Variants in CCNF observed in about 807,000 individuals in gnomAD.
CCNF encodes the protein cyclin F, also known as cyclin-F.
CCNF carries 30 observed loss-of-function variants against 85.4 expected under a neutral mutation model. The observed-to-expected ratio is 0.35, with a 90% confidence interval of 0.26 to 0.48. The LOEUF (loss-of-function observed/expected upper bound fraction) is 0.48, where lower values mean the gene tolerates loss of function less well. CCNF is among the 20% of genes least tolerant of loss of function. The pLI is 0.99. For missense variants in CCNF, 919 were observed against 1,010.4 expected (o/e 0.91, Z 1.23); for synonymous variants, 439 against 425.1 (o/e 1.03, Z -0.40).
Position 2,429,467 on chromosome 16 carries a change from G to A in CCNF, c.-15G>A, listed in dbSNP as rs1482465904. 1 of 1,225,966 alleles carries A rather than the reference G, an allele frequency of 8.2e-7. No individual in the cohort carries two copies. The highest frequency in any genetic ancestry group is 4.1e-5 in the South Asian group (1 of 24,406). 75.9% of individuals were successfully genotyped at this position (1,225,966 alleles called of 1,614,324 possible). On this transcript the variant is annotated 5_prime_UTR_variant, in exon 1 of 17. Coordinates refer to ENST00000397066, the MANE Select transcript of CCNF (RefSeq NM_001761.3). ...CTCTCAGGCGGGCTCCGGCGGCAGC[G>A]ACGCGAGCGCGGCGATGGGGAGCGG...
rs557533283 is a variant in CCNF, at chr16:2,437,289, C to T, written c.507C>T (p.His169=). 8.1e-6 allele frequency: 13 copies of T among 1,605,592 alleles called. No individual in the cohort carries two copies. The highest frequency in any genetic ancestry group is 4.5e-5 in the East Asian group (2 of 44,764). ...VSGSCCKAVV[H]ESLRAECQLQ... is the part of the protein sequence containing the mutation. ...GAAGCTGCTGCAAGGCCGTGGTTCA[C>T]GAGAGCCTCAGGGCAGAGTGCCAGC... Residue 169 remains histidine, a synonymous_variant, in exon 5 of 17, where the codon CAC becomes CAT. Coordinates refer to ENST00000397066, the MANE Select transcript of CCNF (RefSeq NM_001761.3).
rs1278849583 is a variant in CCNF at position 2,457,071 on chromosome 16, G to A, written c.*51G>A. ...GATGTGTACTGAGGGGGCTGGAGGC[G>A]AAGGGTGGGAGCATAGCATAGGAAC... On this transcript the variant is annotated 3_prime_UTR_variant, in exon 17 of 17. Transcript: ENST00000397066. The A allele has an allele frequency of 1.0e-5, 14 of 1,348,728 alleles. No homozygotes were observed. The highest frequency in any genetic ancestry group is 2.8e-5 in the South Asian group (2 of 72,474). The allele number at this position is 1,348,728 out of a possible 1,614,324, so 83.5% of individuals were successfully genotyped here.
intron 7 of CCNF, 98 bp from the exon 8 acceptor site, chr16:2,439,651 A>T: frequency 9.7e-7 from 1 of 1,032,428 alleles, no homozygotes; most frequent in Non-Finnish European, 1.5e-6. Flanking sequence ...GAGAGAGAAG[A>T]GGTGGGAAGT....
intron 6 of CCNF, among the ~76,000 whole-genome samples, chr16:2,438,516 C>G (rs773872217): frequency 6.6e-6 from 1 of 151,712 alleles, no homozygotes; most frequent in African/African-American, 2.4e-5. Flanking sequence ...TGGCGGGTGC[C>G]CATAATCCCA....
chr16:2,439,522 C>G (rs1467032317), intron 7 of CCNF, 65 bp downstream of exon 7: 1 of 1,232,830 alleles, frequency 8.1e-7, no homozygotes, highest in Non-Finnish European at 1.2e-6. Context: ...GATGCTGGTC[C>G]TTGGATGCGT....
chr16:2,446,286 G>A (rs541195656), intron 10 of CCNF, among the ~76,000 whole-genome samples: 1 of 152,054 alleles, frequency 6.6e-6, no homozygotes, highest in Non-Finnish European at 1.5e-5. Flanking sequence ...ATCAGGGAGG[G>A]TGGCAGTTGG....
At chr16:2,432,532 A>G (rs923563313) in intron 2 of CCNF, among the ~76,000 whole-genome samples, 4 of 152,164 alleles carry the variant, frequency 2.6e-5, no homozygotes, top group Non-Finnish European at 4.4e-5. Flanking sequence ...TGAGACCTCC[A>G]TCATGGGTGT....
rs1285192349 is a variant in CCNF at position 2,452,816 on chromosome 16, G to A, written c.1488-394G>A. Reference sequence around the variant, plus strand: ...CGGACAAGTGGCCTTCTGTGTCTAGGTGATTTCCCTCGCGGTAACGTTTGC... The same window carrying A: ...CGGACAAGTGGCCTTCTGTGTCTAGATGATTTCCCTCGCGGTAACGTTTGC... On this transcript the variant is annotated intron_variant, in intron 13 of 16. Transcript: ENST00000397066. The surrounding 1 kb of genome is among the most constrained non-coding windows in gnomAD (Gnocchi z 4.1). The A allele has an allele frequency of 8.3e-6, 2 of 240,456 alleles. No homozygotes were observed. Among genetic ancestry groups the A allele is most frequent in the African/African-American group, 4.5e-5 (2 of 44,142 alleles). The allele number at this position is 240,456 out of a possible 1,614,324, so 14.9% of individuals were successfully genotyped here.
chr16:2,431,173 G>A lies in CCNF; in HGVS notation c.60G>A (p.Lys20=), dbSNP rs1309390337. ...RCAKCFCYPT[K]RRIRRRPRNL... is the part of the protein sequence containing the mutation. Reference sequence around the variant, plus strand: ...CCAAGTGTTTCTGTTATCCTACAAAGCGAAGAATAAGGAGGAGGCCCCGAA... The same window carrying A: ...CCAAGTGTTTCTGTTATCCTACAAAACGAAGAATAAGGAGGAGGCCCCGAA... Residue 20 remains lysine, a synonymous_variant, in exon 2 of 17, where the codon AAG becomes AAA. Transcript: ENST00000397066. 1 of 1,614,050 alleles carries A rather than the reference G, an allele frequency of 6.2e-7. No individual in the cohort carries two copies. The highest frequency in any genetic ancestry group is 1.7e-5 in the Admixed American group (1 of 60,006).
In CCNF at chr16:2,449,930, G is replaced by A; in HGVS notation, c.1487+15G>A. Reference sequence around the variant, plus strand: ...CATAAGAAGTGGTGAGTTTTGGCCGGGCGCAGAGGCTCATGCCTGTAACCC... The same window carrying A: ...CATAAGAAGTGGTGAGTTTTGGCCGAGCGCAGAGGCTCATGCCTGTAACCC... On this transcript the variant is annotated intron_variant, in intron 13 of 16. Transcript: ENST00000397066. 1 of 1,581,272 alleles carries A rather than the reference G, an allele frequency of 6.3e-7. No individual in the cohort carries two copies. The highest frequency in any genetic ancestry group is 1.1e-5 in the South Asian group (1 of 90,394).
intron 3 of CCNF, among the ~76,000 whole-genome samples, chr16:2,434,933 G>A (rs1365719971): frequency 6.6e-6 from 1 of 152,102 alleles, no homozygotes; most frequent in East Asian, 1.9e-4. Flanking sequence ...AGCATGTAAT[G>A]GATAATTCGT....
At chr16:2,450,263 G>A (rs2065387026) in intron 13 of CCNF, among the ~76,000 whole-genome samples, 1 of 147,264 alleles carries the variant, frequency 6.8e-6, no homozygotes, top group Non-Finnish European at 1.5e-5. Context: ...ACTTTGGGAG[G>A]CCAAAGCGGG....
intron 1 of CCNF, 153 bp from the exon 2 acceptor site, chr16:2,430,977 G>C: frequency 1.2e-6 from 1 of 840,360 alleles, no homozygotes; most frequent in Non-Finnish European, 2.1e-6. Context: ...CTTTGTTTGG[G>C]ACAAGAAGCA....
rs1296645364 is a variant in CCNF at position 2,451,561 on chromosome 16, G to A, written c.1487+1646G>A. Among the ~76,000 whole-genome samples, 1 of 152,142 alleles carries A rather than the reference G, an allele frequency of 6.6e-6. No homozygotes were observed. The highest frequency in any genetic ancestry group is 2.4e-5 in the African/African-American group (1 of 41,434). ...CCAAATCCAGCAGACTCAGCGGTGT[G>A]GGCTTTTTTTTCCTTTTTTGAGTTG... On this transcript the variant is annotated intron_variant, in intron 13 of 16. Transcript: ENST00000397066. The surrounding 1 kb of genome is among the most constrained non-coding windows in gnomAD (Gnocchi z 4.3).
intron 3 of CCNF, 62 bp downstream of exon 3, chr16:2,433,129 C>T (rs2065271047): frequency 2.0e-6 from 2 of 1,020,902 alleles, no homozygotes; most frequent in East Asian, 5.0e-5. Flanking sequence ...ATGTGCCAGT[C>T]TGTGTCTCAC....
intron 9 of CCNF, among the ~76,000 whole-genome samples, chr16:2,445,005 C>G (rs2065353698): frequency 6.6e-6 from 1 of 151,842 alleles, no homozygotes; most frequent in South Asian, 2.1e-4. Context: ...TTTCTCCTGC[C>G]TCAGTCCCCC....
intron 15 of CCNF, among the ~76,000 whole-genome samples, chr16:2,455,074 A>C (rs1327317520): frequency 3.3e-5 from 5 of 151,644 alleles, no homozygotes; most frequent in Non-Finnish European, 7.4e-5. Flanking sequence ...AAAAAAAAAA[A>C]AAAAAAAACA....
chr16:2,445,727 T>TG, intron 10 of CCNF, 105 bp downstream of exon 10: 1 of 842,504 alleles, frequency 1.2e-6, no homozygotes, highest in Non-Finnish European at 1.6e-6. Flanking sequence ...TTGTTTTGTG[T>TG]TGTTTTTTTT....
chr16:2,457,786 T>C lies in CCNF; in HGVS notation c.*766T>C, dbSNP rs1395720130. On this transcript the variant is annotated 3_prime_UTR_variant, in exon 17 of 17. Transcript: ENST00000397066. ...CAAAAGAAAAACTTAAAACAGAAGG[T>C]ATTAAAAAAACAAGAGATTCCCACC... 6.6e-6 allele frequency: 1 copy of C among 152,184 alleles called. No individual in the cohort carries two copies. Among genetic ancestry groups the C allele is most frequent in the African/African-American group, 2.4e-5 (1 of 41,440 alleles). 9.4% of individuals were successfully genotyped at this position (152,184 alleles called of 1,614,324 possible). A position where few individuals can be genotyped will look rare whatever the true frequency, so the allele number is the denominator to read the frequency against.
Sources: gnomAD v4.1 joint callset for allele counts (sites outside exome capture counted in the v4.1 genomes callset) on GRCh38, gnomAD v4.1.1 for gene constraint, Gnocchi (gnomAD v3.1) non-coding constraint, MANE v1.5 for transcripts, NCBI Gene and HGNC (gene_info 2026-07-23, HGNC 2026-07-21) for gene names.